The following CERKL variants were observed in gnomAD, a reference collection of about 807,000 sequenced individuals.
The protein encoded by CERKL is ceramide kinase-like protein.
In CERKL, 61 loss-of-function variants were observed where a neutral mutation model predicts 63.4. The observed-to-expected ratio is 0.96, with a 90% CI of 0.78 to 1.19. The LOEUF is 1.19. Ranked by LOEUF, CERKL falls within the 50% of genes most tolerant of loss-of-function variation. The probability of loss-of-function intolerance (pLI) is 0.00; values close to 1 mark genes in which losing one functional copy is unlikely to be tolerated. For missense variants in CERKL, 675 were observed against 655.5 expected (o/e 1.03, Z -0.33); for synonymous variants, 250 against 230.5 (o/e 1.08, Z -0.77).
At chr2:181,628,265 C>G (rs1686798365) in intron 1 of CERKL, among the ~76,000 whole-genome samples, 1 of 152,178 alleles carries the variant, frequency 6.6e-6, no homozygotes. Context: ...CACAGTGGTT[C>G]TCAAATTGAC....
chr2:181,624,070 G>A (rs572136777), intron 1 of CERKL, among the ~76,000 whole-genome samples: 11 of 152,198 alleles, frequency 7.2e-5, no homozygotes, highest in East Asian at 1.9e-4. Flanking sequence ...TTCAAGGAAC[G>A]GTAAGATGTG....
At chr2:181,645,703 C>T (rs1363248522) in intron 1 of CERKL, among the ~76,000 whole-genome samples, 2 of 152,234 alleles carry the variant, frequency 1.3e-5, no homozygotes, top group African/African-American at 4.8e-5. Flanking sequence ...CCCTTTTGGG[C>T]TTAAAAATGG....
chr2:181,545,464 AC>A (rs1341021567), intron 10 of CERKL, among the ~76,000 whole-genome samples: 1 of 152,236 alleles, frequency 6.6e-6, no homozygotes, highest in Non-Finnish European at 1.5e-5. Flanking sequence ...TTGCAGAAAT[AC>A]ATACAAATGA....
intron 1 of CERKL, among the ~76,000 whole-genome samples, chr2:181,652,161 T>C (rs759814252): frequency 1.4e-5 from 2 of 141,410 alleles, no homozygotes; most frequent in Non-Finnish European, 1.5e-5. Context: ...TGAAAATTCA[T>C]GCAGAACCAC....
At chr2:181,571,938 C>T (rs1457957395) in intron 3 of CERKL, among the ~76,000 whole-genome samples, 1 of 152,122 alleles carries the variant, frequency 6.6e-6, no homozygotes, top group Non-Finnish European at 1.5e-5. Context: ...CACACCTCTC[C>T]CCATCCCACT....
chr2:181,656,965 C>T lies in CERKL; in HGVS notation c.42G>A (p.Glu14=), dbSNP rs748145609. 4.4e-6 allele frequency: 7 copies of T among 1,582,274 alleles called. No homozygotes were observed. Among genetic ancestry groups the T allele is most frequent in the Non-Finnish European group, 3.4e-6 (4 of 1,166,150 alleles). ...RRRRNRVSAL[E]GGREEEAPPE... ...GGGGCGCCTCTTCCTCCCGGCCGCCCTCCAGGGCACTCACCCGGTTCCTGC... is the reference window on the plus strand; with the variant it reads ...GGGGCGCCTCTTCCTCCCGGCCGCCTTCCAGGGCACTCACCCGGTTCCTGC... The change falls in exon 1 of 13, where the codon GAG becomes GAA. Residue 14 remains glutamate, a synonymous_variant. Coordinates refer to ENST00000410087, the MANE Select transcript of CERKL (RefSeq NM_201548.5).
chr2:181,629,582 TG>T (rs1015192390), intron 1 of CERKL, among the ~76,000 whole-genome samples: 1 of 151,080 alleles, frequency 6.6e-6, no homozygotes, highest in South Asian at 2.1e-4. Context: ...ATGTAATAAA[TG>T]GGGGGGTGGT....
chr2:181,624,023 A>C, intron 1 of CERKL, among the ~76,000 whole-genome samples: 1 of 152,178 alleles, frequency 6.6e-6, no homozygotes, highest in Middle Eastern at 3.2e-3. Flanking sequence ...GGGAACAGTA[A>C]GCATCAAGGT....
chr2:181,638,426 G>T (rs1011833373), intron 1 of CERKL, among the ~76,000 whole-genome samples: 3 of 152,188 alleles, frequency 2.0e-5, no homozygotes, highest in Admixed American at 6.5e-5. Flanking sequence ...AAAGAACTCA[G>T]AAGTCAAGAT....
intron 1 of CERKL, among the ~76,000 whole-genome samples, chr2:181,604,366 T>C (rs1685589401): frequency 6.6e-6 from 1 of 152,192 alleles, no homozygotes; most frequent in Non-Finnish European, 1.5e-5. Context: ...ATCTTAAATG[T>C]ATGAATAATA....
At chr2:181,564,548 C>T (rs1688582482) in intron 4 of CERKL, among the ~76,000 whole-genome samples, 1 of 152,120 alleles carries the variant, frequency 6.6e-6, no homozygotes, top group Non-Finnish European at 1.5e-5. Context: ...TATTATTGTA[C>T]TACACTTCAG....
At chr2:181,625,311 GA>G (rs1686638698) in intron 1 of CERKL, among the ~76,000 whole-genome samples, 1 of 150,826 alleles carries the variant, frequency 6.6e-6, no homozygotes, top group African/African-American at 2.4e-5. Flanking sequence ...AAGAAGGAAT[GA>G]AAAACAGAGT....
intron 1 of CERKL, among the ~76,000 whole-genome samples, chr2:181,641,346 CATATATAT>C (rs1299406156): frequency 0.022 from 245 of 11,022 alleles, 3 homozygotes; most frequent in East Asian, 0.048. Context: ...TATATATATA[CATATATAT>C]ACACATATTT....
chr2:181,563,604 CCTT>C (rs1392377239), intron 4 of CERKL, among the ~76,000 whole-genome samples: 2 of 57,186 alleles, frequency 3.5e-5, no homozygotes, highest in East Asian at 9.3e-4. Context: ...TTGGGGTTAA[CCTT>C]CTCTCATCTC....
rs1055517153 is a variant in CERKL, at chr2:181,537,502, T to C, written c.*682A>G. 2.2e-5 allele frequency: 10 copies of C among 453,450 alleles called. No individual in the cohort carries two copies. The Admixed American group carries it at 2.4e-4, about 11-fold the overall frequency. 28.1% of individuals were successfully genotyped at this position (453,450 alleles called of 1,614,324 possible). ...GGATGGGTTATTCTTTTTTGGCAGG[T>C]AGGCTATATAACTATGTGATTTTGA... is the stretch of plus-strand genomic sequence containing the variant. On this transcript the variant is annotated 3_prime_UTR_variant, in exon 13 of 13. Transcript: ENST00000410087.
At chr2:181,640,713 C>T (rs939371347) in intron 1 of CERKL, among the ~76,000 whole-genome samples, 2 of 152,192 alleles carry the variant, frequency 1.3e-5, no homozygotes, top group African/African-American at 4.8e-5. Context: ...ATATCCATTG[C>T]CCTGGTTCTC....
intron 6 of CERKL, 21 bp downstream of exon 6, chr2:181,549,613 C>T: frequency 6.5e-7 from 1 of 1,548,722 alleles, no homozygotes; most frequent in Non-Finnish European, 8.9e-7. Context: ...AAAATATGAA[C>T]TGCTTTGGAA....
At chr2:181,564,713 C>T (rs1329433585) in intron 4 of CERKL, among the ~76,000 whole-genome samples, 1 of 152,108 alleles carries the variant, frequency 6.6e-6, no homozygotes. Context: ...TATTCTCATT[C>T]TTTAATCAAG....
At chr2:181,618,011 T>C (rs1345262740) in intron 1 of CERKL, among the ~76,000 whole-genome samples, 3 of 152,128 alleles carry the variant, frequency 2.0e-5, no homozygotes, top group Admixed American at 2.0e-4. Flanking sequence ...TAAGCCAGAG[T>C]TGAAAAAACT....
Sources: gnomAD v4.1 joint callset for allele counts (sites outside exome capture counted in the v4.1 genomes callset) on GRCh38, gnomAD v4.1.1 for gene constraint, MANE v1.5 for transcripts, NCBI Gene and HGNC (gene_info 2026-07-23, HGNC 2026-07-21) for gene names.